F13A1: variants seen among roughly 807,000 people sequenced by gnomAD.
F13A1 encodes coagulation factor XIII A chain.
In F13A1, 47 loss-of-function variants were observed where a neutral mutation model predicts 80.1. That is an observed-to-expected ratio of 0.59 (90% CI 0.46 to 0.75). F13A1 has a LOEUF of 0.75. Among genes scored for constraint, F13A1 ranks in the 30% least tolerant of loss-of-function variants. The pLI is 0.00. For missense variants in F13A1, 817 were observed against 930.4 expected (o/e 0.88, Z 1.59); for synonymous variants, 349 against 344.9 (o/e 1.01, Z -0.13).
intron 13 of F13A1, among the ~76,000 whole-genome samples, chr6:6,158,370 C>A (rs959668817): frequency 6.6e-6 from 1 of 152,122 alleles, no homozygotes; most frequent in African/African-American, 2.4e-5. Context: ...GCTTCTTATG[C>A]AGTTAGTGGG....
At position 6,239,142 on chromosome 6, in the gene F13A1, T is replaced by C. The variant is rs1329015957; in HGVS notation, c.798+9170A>G. 5.3e-5 allele frequency among the ~76,000 whole-genome samples: 8 copies of C among 152,206 alleles called. No homozygotes were observed. The South Asian group carries it at 6.2e-4, about 12-fold the overall frequency. ...GTGAATGGATAGACAAATTGTGATA[T>C]ACAATGCAATAAAATACTTCTTAGT... is the stretch of plus-strand genomic sequence containing the variant. On this transcript the variant is annotated intron_variant, in intron 6 of 14. Coordinates refer to ENST00000264870, the MANE Select transcript of F13A1 (RefSeq NM_000129.4).
chr6:6,198,073 A>T (rs559807545), intron 8 of F13A1, among the ~76,000 whole-genome samples: 1 of 152,384 alleles, frequency 6.6e-6, no homozygotes, highest in African/African-American at 2.4e-5. Context: ...TAAGCAAAAA[A>T]TACTTGTGTT....
intron 11 of F13A1, among the ~76,000 whole-genome samples, chr6:6,179,578 G>A (rs113205791): frequency 0.041 from 6,180 of 152,226 alleles, 164 homozygotes; most frequent in Middle Eastern, 0.065. Flanking sequence ...CCTTCTACCC[G>A]CCACATTCAG....
At chr6:6,301,945 C>G (rs1028293464) in intron 3 of F13A1, among the ~76,000 whole-genome samples, 2 of 152,214 alleles carry the variant, frequency 1.3e-5, no homozygotes, top group Non-Finnish European at 2.9e-5. Context: ...TCAACTCCTC[C>G]CTCTGTCCAA....
At chr6:6,297,409 T>A (rs1758347325) in intron 3 of F13A1, among the ~76,000 whole-genome samples, 1 of 150,840 alleles carries the variant, frequency 6.6e-6, no homozygotes, top group African/African-American at 2.5e-5. Context: ...CTATTGATCA[T>A]TGCCACAATT....
At chr6:6,307,082 G>A (rs1175327501) in intron 2 of F13A1, among the ~76,000 whole-genome samples, 3 of 152,124 alleles carry the variant, frequency 2.0e-5, no homozygotes, top group Non-Finnish European at 2.9e-5. Flanking sequence ...TTAAAATGAG[G>A]ATACTAATAC....
At chr6:6,159,704 T>G (rs1760539437) in intron 13 of F13A1, among the ~76,000 whole-genome samples, 2 of 152,160 alleles carry the variant, frequency 1.3e-5, no homozygotes, top group Non-Finnish European at 2.9e-5. Context: ...GGGTCAACAG[T>G]GATACTTCCC....
At position 6,206,359 on chromosome 6, in the gene F13A1, T is replaced by C. The variant is rs1189255548; in HGVS notation, c.1113-9033A>G. 9.6e-6 allele frequency: 4 copies of C among 416,886 alleles called. No homozygotes were observed. In the East Asian group the frequency reaches 2.8e-4, roughly 29 times the overall value. 25.8% of individuals were successfully genotyped at this position (416,886 alleles called of 1,614,324 possible). A position where few individuals can be genotyped will look rare whatever the true frequency, so the allele number is the denominator to read the frequency against. ...CTTCTAACGGTATATATGATGACTCTTGTAGGCAAAAATTATGATTAACCA... is the reference window on the plus strand; with the variant it reads ...CTTCTAACGGTATATATGATGACTCCTGTAGGCAAAAATTATGATTAACCA... On this transcript the variant is annotated intron_variant, in intron 8 of 14. Coordinates refer to ENST00000264870, the MANE Select transcript of F13A1 (RefSeq NM_000129.4).
At position 6,243,160 on chromosome 6, in the gene F13A1, A is replaced by G. The variant is rs2113091220; in HGVS notation, c.798+5152T>C. Among the ~76,000 whole-genome samples the G allele has an allele frequency of 6.7e-6, 1 of 149,056 alleles. No individual in the cohort carries two copies. Among genetic ancestry groups the G allele is most frequent in the East Asian group, 2.0e-4 (1 of 5,076 alleles). ...CATAAATCACCACCACCACCACATT[A>G]CGCCATCACCACCACTACCACCATC... On this transcript the variant is annotated intron_variant, in intron 6 of 14. Coordinates refer to ENST00000264870, the MANE Select transcript of F13A1 (RefSeq NM_000129.4). The surrounding 1 kb of genome is among the most constrained non-coding windows in gnomAD (Gnocchi z 4.2).
chr6:6,243,023 A>G lies in F13A1; in HGVS notation c.798+5289T>C, dbSNP rs773734830. 2.6e-5 allele frequency among the ~76,000 whole-genome samples: 4 copies of G among 152,164 alleles called. No individual in the cohort carries two copies. The highest frequency in any genetic ancestry group is 5.9e-5 in the Non-Finnish European group (4 of 68,030). On this transcript the variant is annotated intron_variant, in intron 6 of 14. Transcript: ENST00000264870. The surrounding 1 kb of genome is among the most constrained non-coding windows in gnomAD (Gnocchi z 4.2). Reference sequence around the variant, plus strand: ...AGGCAGAAACTTAATTTTGTTCACAATTGTACTCCAGTGTTCAGACTGGTA... The same window carrying G: ...AGGCAGAAACTTAATTTTGTTCACAGTTGTACTCCAGTGTTCAGACTGGTA...
intron 3 of F13A1, among the ~76,000 whole-genome samples, chr6:6,270,437 G>T (rs964530268): frequency 9.9e-5 from 15 of 152,180 alleles, no homozygotes; most frequent in African/African-American, 3.6e-4. Context: ...GCTTTTTATT[G>T]ATTTTATGAT....
At chr6:6,203,353 A>C (rs1347472417) in intron 8 of F13A1, among the ~76,000 whole-genome samples, 1 of 152,240 alleles carries the variant, frequency 6.6e-6, no homozygotes, top group Non-Finnish European at 1.5e-5. Flanking sequence ...ATTTTGCAGA[A>C]GTAATTAAGT....
intron 3 of F13A1, among the ~76,000 whole-genome samples, chr6:6,275,741 A>G (rs533559699): frequency 2.7e-4 from 41 of 152,170 alleles, no homozygotes; most frequent in Non-Finnish European, 4.3e-4. Context: ...ATTCCAGACT[A>G]AGCTTCAAGC....
At chr6:6,297,471 C>G (rs936370664) in intron 3 of F13A1, among the ~76,000 whole-genome samples, 3 of 151,118 alleles carry the variant, frequency 2.0e-5, no homozygotes, top group African/African-American at 7.4e-5. Context: ...CTGGTTTAGT[C>G]TTGGGAGAGT....
chr6:6,268,346 T>A (rs1039598982), intron 3 of F13A1, among the ~76,000 whole-genome samples: 2 of 152,162 alleles, frequency 1.3e-5, no homozygotes, highest in Non-Finnish European at 2.9e-5. Context: ...ATTTGACAAA[T>A]CAGGAAACTA....
At chr6:6,288,280 C>A (rs1399247246) in intron 3 of F13A1, among the ~76,000 whole-genome samples, 2 of 152,234 alleles carry the variant, frequency 1.3e-5, no homozygotes, top group Non-Finnish European at 2.9e-5. Context: ...TTCTTTCAGT[C>A]TAACTGAGAC....
At chr6:6,224,286 T>TA (rs1335978518) in intron 7 of F13A1, among the ~76,000 whole-genome samples, 3 of 152,234 alleles carry the variant, frequency 2.0e-5, no homozygotes, top group African/African-American at 7.2e-5. Context: ...TACGCATATT[T>TA]ATACAACTTC....
intron 3 of F13A1, among the ~76,000 whole-genome samples, chr6:6,282,099 AGGT>A (rs920941734): frequency 1.3e-5 from 2 of 152,140 alleles, no homozygotes; most frequent in African/African-American, 4.8e-5. Flanking sequence ...AGATATACCT[AGGT>A]TGAATTGGGA....
chr6:6,262,722 AAAG>A (rs1396261567), intron 4 of F13A1, among the ~76,000 whole-genome samples: 2 of 151,984 alleles, frequency 1.3e-5, no homozygotes, highest in African/African-American at 4.8e-5. Flanking sequence ...AAAAAAAAAA[AAAG>A]GAGTCACAAA....
Sources: gnomAD v4.1 joint callset for allele counts (sites outside exome capture counted in the v4.1 genomes callset) on GRCh38, gnomAD v4.1.1 for gene constraint, Gnocchi (gnomAD v3.1) non-coding constraint, MANE v1.5 for transcripts, NCBI Gene and HGNC (gene_info 2026-07-23, HGNC 2026-07-21) for gene names.